The following POLA1 variants were observed in gnomAD, a reference collection of about 807,000 sequenced individuals.
POLA1 encodes DNA polymerase alpha catalytic subunit.
Under a neutral mutation model 124.0 loss-of-function variants are expected in POLA1, and 15 were observed. That is an observed-to-expected ratio of 0.12 (90% confidence interval 0.08 to 0.19). The LOEUF is 0.19. Ranked by LOEUF, POLA1 falls within the 10% of genes least tolerant of loss-of-function variation. The probability of loss-of-function intolerance (pLI) is 1.00; values close to 1 mark genes in which losing one functional copy is unlikely to be tolerated. For synonymous variants in POLA1, 408 were observed against 389.4 expected, an observed-to-expected ratio of 1.05 and a Z score of -0.56; for missense variants, 886 against 1,103.4, an observed-to-expected ratio of 0.80 and a Z score of 2.79.
At chrX:24,772,066 T>G (rs753206641) in intron 26 of POLA1, among the ~76,000 whole-genome samples, 98 of 112,217 alleles carry the variant, frequency 8.7e-4, no homozygotes, top group Admixed American at 2.1e-3. Flanking sequence ...AAATTGAACC[T>G]ATCATAAACA....
Position 24,726,066 on chromosome X carries a change from C to G in POLA1, c.1392+11C>G, listed in dbSNP as rs2148361264. The G allele has an allele frequency of 9.6e-7, 1 of 1,037,339 alleles. No homozygotes were observed. Among genetic ancestry groups the G allele is most frequent in the Non-Finnish European group, 1.3e-6 (1 of 747,728 alleles). 85.5% of individuals were successfully genotyped at this position (1,037,339 alleles called of 1,213,427 possible). A position where few individuals can be genotyped will look rare whatever the true frequency, so the allele number is the denominator to read the frequency against. On this transcript the variant is annotated intron_variant, in intron 13 of 36. Transcript: ENST00000379068. ...GAAGTTAAATACTCGGTAAGTCAAA[C>G]AAAGAAAATTACTGGGTTTTGCTTG...
chrX:24,952,328 A>G (rs148608668), intron 36 of POLA1, among the ~76,000 whole-genome samples: 1 of 112,118 alleles, frequency 8.9e-6, no homozygotes, highest in East Asian at 2.8e-4. Flanking sequence ...TTCTTAACTA[A>G]TTCCCCAAAT....
At chrX:24,840,517 A>G (rs1176901739) in intron 32 of POLA1, among the ~76,000 whole-genome samples, 2 of 112,172 alleles carry the variant, frequency 1.8e-5, no homozygotes, top group African/African-American at 6.5e-5. Context: ...TATAATTACT[A>G]GATGTCGCTT....
rs774436181 is a variant in POLA1 at position 24,726,000 on chromosome X, C to G, written c.1337C>G (p.Ala446Gly). The change falls in exon 13 of 37, where the codon GCT (alanine) becomes GGT (glycine). Residue 446 changes from alanine to glycine, a missense_variant. Coordinates refer to ENST00000379068, the MANE Select transcript of POLA1 (RefSeq NM_001330360.2). The part of the protein sequence containing the change: ...FKSKPVEKNY[A>G]FEIPDVPEKS... Reference sequence around the variant, plus strand: ...ACCCAGCCAGTGGAAAAGAACTATGCTTTTGAGATACCTGATGTTCCAGAA... The same window carrying G: ...ACCCAGCCAGTGGAAAAGAACTATGGTTTTGAGATACCTGATGTTCCAGAA... 8.4e-7 allele frequency: 1 copy of G among 1,186,450 alleles called. No homozygotes were observed. The highest frequency in any genetic ancestry group is 2.2e-5 in the Admixed American group (1 of 45,293).
At chrX:24,862,839 C>G (rs1473675773) in intron 34 of POLA1, among the ~76,000 whole-genome samples, 1 of 112,087 alleles carries the variant, frequency 8.9e-6, no homozygotes, top group Non-Finnish European at 1.9e-5. Context: ...ATGAATGAGT[C>G]AAATCTATGC....
At chrX:24,762,447 A>C (rs952676934) in intron 26 of POLA1, among the ~76,000 whole-genome samples, 1 of 112,419 alleles carries the variant, frequency 8.9e-6, no homozygotes, top group Non-Finnish European at 1.9e-5. Flanking sequence ...CCTGGACTGA[A>C]AAGTCAAAAT....
At chrX:24,811,770 G>A (rs1038611311) in intron 28 of POLA1, among the ~76,000 whole-genome samples, 19 of 110,747 alleles carry the variant, frequency 1.7e-4, no homozygotes, top group African/African-American at 5.9e-4. Flanking sequence ...GTAGGATTCA[G>A]GTGCATTTTA....
Position 24,699,436 on chromosome X carries a change from T to C in POLA1, c.55T>C (p.Ser19Pro). ...CEIGASALSD[S>P]GSFVSSRARR... is the part of the protein sequence containing the mutation. ...TTTTCTTTTTTCAGCTCTGTCAGATTCAGGGAGTTTTGTATCTTCTCGAGC... is the reference window on the plus strand; with the variant it reads ...TTTTCTTTTTTCAGCTCTGTCAGATCCAGGGAGTTTTGTATCTTCTCGAGC... The change falls in exon 2 of 37, where the codon TCA becomes CCA. Residue 19 changes from serine to proline, a missense_variant. Transcript: ENST00000379068. 8.5e-7 allele frequency: 1 copy of C among 1,174,402 alleles called. No individual in the cohort carries two copies. The highest frequency in any genetic ancestry group is 2.4e-4 in the Middle Eastern group (1 of 4,189).
intron 26 of POLA1, 120 bp downstream of exon 26, chrX:24,749,112 T>C: frequency 2.0e-6 from 1 of 508,244 alleles, no homozygotes; most frequent in East Asian, 3.6e-5. Flanking sequence ...AGTACCCCTC[T>C]CTTTGGATGA....
chrX:24,912,100 C>G (rs1392396055), intron 35 of POLA1, among the ~76,000 whole-genome samples: 1 of 112,073 alleles, frequency 8.9e-6, no homozygotes, highest in Non-Finnish European at 1.9e-5. Flanking sequence ...AGCAAACATG[C>G]AAAAGCAATT....
intron 26 of POLA1, among the ~76,000 whole-genome samples, chrX:24,807,480 T>C (rs761521854): frequency 8.9e-6 from 1 of 112,542 alleles, no homozygotes; most frequent in East Asian, 2.8e-4. Flanking sequence ...CATTTCCCTA[T>C]AATTTAAATG....
At chrX:24,930,260 T>G (rs1393069015) in intron 35 of POLA1, among the ~76,000 whole-genome samples, 193 bp from the exon 36 acceptor site, 1 of 111,922 alleles carries the variant, frequency 8.9e-6, no homozygotes, top group African/African-American at 3.2e-5. Context: ...GGATTTATTC[T>G]GAATTATGAA....
intron 12 of POLA1, among the ~76,000 whole-genome samples, chrX:24,725,313 G>A (rs5944672): frequency 0.48 from 49,071 of 102,884 alleles, 9,534 homozygotes; most frequent in East Asian, 0.65. Context: ...TCCTGCCTCA[G>A]CCTCCTGAGT....
intron 35 of POLA1, among the ~76,000 whole-genome samples, chrX:24,926,039 GTTT>G (rs770513358): frequency 9.9e-6 from 1 of 100,557 alleles, no homozygotes; most frequent in Non-Finnish European, 2.0e-5. Context: ...TCTACTAAAA[GTTT>G]TTTTTTTTTT....
chrX:24,694,067 G>A (rs1927798008), intron 1 of POLA1, 63 bp downstream of exon 1: 1 of 1,011,127 alleles, frequency 9.9e-7, no homozygotes, highest in Non-Finnish European at 1.3e-6. Flanking sequence ...CCGGTGGTGG[G>A]GGTTCTGAGG....
intron 36 of POLA1, among the ~76,000 whole-genome samples, chrX:24,932,730 C>G (rs751775012): frequency 9.0e-6 from 1 of 111,592 alleles, no homozygotes; most frequent in Non-Finnish European, 1.9e-5. Context: ...ATGAAATGTT[C>G]CAAGAGCCCT....
chrX:24,760,900 C>G (rs1260697057), intron 26 of POLA1, among the ~76,000 whole-genome samples: 1 of 111,603 alleles, frequency 9.0e-6, no homozygotes, highest in African/African-American at 3.3e-5. Context: ...AATTTAGTAC[C>G]AGAGTCAGGT....
chrX:24,784,162 C>T (rs1447588862), intron 26 of POLA1, among the ~76,000 whole-genome samples: 2 of 104,159 alleles, frequency 1.9e-5, no homozygotes, highest in African/African-American at 7.1e-5. Context: ...AAGTGATTCT[C>T]CTGCCTCAGC....
chrX:24,711,679 C>T (rs1360243219), intron 4 of POLA1, among the ~76,000 whole-genome samples: 3 of 110,851 alleles, frequency 2.7e-5, no homozygotes, highest in African/African-American at 9.9e-5. Context: ...CTCATTGCAA[C>T]CTCTGCCTCC....
Sources: allele counts gnomAD v4.1 joint callset (sites outside exome capture counted in the v4.1 genomes callset), GRCh38; gene constraint gnomAD v4.1.1; transcripts MANE v1.5; gene names NCBI Gene and HGNC (gene_info 2026-07-23, HGNC 2026-07-21).